The following CDS2 variants were observed in gnomAD, a reference collection of about 807,000 sequenced individuals.
CDS2 encodes phosphatidate cytidylyltransferase 2.
In CDS2, 47 loss-of-function variants were observed where a neutral mutation model predicts 59.0. That is an observed-to-expected ratio of 0.80 (90% CI 0.63 to 1.02). The LOEUF (loss-of-function observed/expected upper bound fraction) is 1.02, where lower values mean the gene tolerates loss of function less well. Among genes scored for constraint, CDS2 ranks in the 50% least tolerant of loss-of-function variants. The probability of loss-of-function intolerance (pLI) is 0.00; values close to 1 mark genes in which losing one functional copy is unlikely to be tolerated. For missense variants in CDS2, 356 were observed against 558.9 expected (o/e 0.64, Z 3.66); for synonymous variants, 207 against 206.4 (o/e 1.00, Z -0.02).
rs1385140931 is a variant in CDS2 at position 5,176,762 on chromosome 20, C to T, written c.389+17C>T. On this transcript the variant is annotated intron_variant, in intron 4 of 12. Coordinates refer to ENST00000460006, the MANE Select transcript of CDS2 (RefSeq NM_003818.4). ...GCTCAGCTGGTAAGCTCTCCGGCCCCACAGAGGCTTTTAGAATTTGGATGA... is the reference window on the plus strand; with the variant it reads ...GCTCAGCTGGTAAGCTCTCCGGCCCTACAGAGGCTTTTAGAATTTGGATGA... 6.3e-7 allele frequency: 1 copy of T among 1,576,876 alleles called. No homozygotes were observed. Among genetic ancestry groups the T allele is most frequent in the Admixed American group, 1.7e-5 (1 of 59,958 alleles).
rs570499603 is a variant in CDS2 at position 5,167,463 on chromosome 20, G to C, written c.58-6060G>C. 5.9e-5 allele frequency among the ~76,000 whole-genome samples: 9 copies of C among 152,178 alleles called. No individual in the cohort carries two copies. The South Asian group carries it at 1.0e-3, about 18-fold the overall frequency. On this transcript the variant is annotated intron_variant, in intron 1 of 12. Transcript: ENST00000460006. ...AACTTGTCAAATGGAGTTAGTATTAGGGCTAAAAGTATTTCTTTGTTATTC... is the reference window on the plus strand; with the variant it reads ...AACTTGTCAAATGGAGTTAGTATTACGGCTAAAAGTATTTCTTTGTTATTC...
chr20:5,171,073 C>A (rs2090952724), intron 1 of CDS2, among the ~76,000 whole-genome samples: 1 of 152,222 alleles, frequency 6.6e-6, no homozygotes, highest in Non-Finnish European at 1.5e-5. Context: ...TCTCTATCTC[C>A]TTTTACTACT....
At chr20:5,187,596 T>G (rs1354762804) in intron 10 of CDS2, 3 of 152,114 alleles carry the variant, frequency 2.0e-5, no homozygotes, top group Non-Finnish European at 2.9e-5. Flanking sequence ...AGAAAACAAC[T>G]GAGGCTAGGC....
chr20:5,184,597 C>A lies in CDS2; in HGVS notation c.672-261C>A, dbSNP rs949462133. ...TCATTGTTTACGTATATTTCTTTAT[C>A]ATGAAAAAAGGACAGATGACCTTTT... is the stretch of plus-strand genomic sequence containing the variant. On this transcript the variant is annotated intron_variant, in intron 7 of 12. Transcript: ENST00000460006. The surrounding 1 kb of genome is among the most constrained non-coding windows in gnomAD (Gnocchi z 4.3). Among the ~76,000 whole-genome samples the A allele has an allele frequency of 6.6e-5, 10 of 152,232 alleles. No individual in the cohort carries two copies. The highest frequency in any genetic ancestry group is 2.4e-4 in the African/African-American group (10 of 41,536).
At chr20:5,134,905 T>G (rs1203995071) in intron 1 of CDS2, among the ~76,000 whole-genome samples, 2 of 152,144 alleles carry the variant, frequency 1.3e-5, no homozygotes, top group South Asian at 2.1e-4. Flanking sequence ...CTTGATAAAA[T>G]CATTCAGAAT....
chr20:5,157,069 T>G (rs1280707506), intron 1 of CDS2, among the ~76,000 whole-genome samples: 1 of 152,002 alleles, frequency 6.6e-6, no homozygotes, highest in Non-Finnish European at 1.5e-5. Context: ...AGCTAGGTAG[T>G]AAGACACTAA....
Position 5,149,631 on chromosome 20 carries a change from G to T in CDS2, c.57+22482G>T, listed in dbSNP as rs551389657. Among the ~76,000 whole-genome samples the T allele has an allele frequency of 3.9e-5, 6 of 152,158 alleles. No homozygotes were observed. The South Asian group carries it at 1.2e-3, about 32-fold the overall frequency. On this transcript the variant is annotated intron_variant, in intron 1 of 12. Coordinates refer to ENST00000460006, the MANE Select transcript of CDS2 (RefSeq NM_003818.4). The stretch of plus-strand genomic sequence containing the variant: ...TGCTCAGGCTGGTCTGAAACTCCTG[G>T]GTTCAAGTGATCCTCCTACCTCGAC...
In CDS2 at chr20:5,197,458, C is replaced by G. The variant is rs2091167042; in HGVS notation, c.*7224C>G. The G allele has an allele frequency of 6.6e-6, 1 of 152,140 alleles. No individual in the cohort carries two copies. Among genetic ancestry groups the G allele is most frequent in the East Asian group, 1.9e-4 (1 of 5,198 alleles). The allele number at this position is 152,140 out of a possible 1,614,324, so 9.4% of individuals were successfully genotyped here. On this transcript the variant is annotated 3_prime_UTR_variant, in exon 13 of 13. Transcript: ENST00000460006. ...GCCGTGTCTGCCCTGGCTCTGTCTC[C>G]TCTGTGACAGGGCAGAGCATTTCTG...
chr20:5,144,762 GTGTAT>G (rs1391553084), intron 1 of CDS2, among the ~76,000 whole-genome samples: 1 of 152,142 alleles, frequency 6.6e-6, no homozygotes. Flanking sequence ...TGTGAAGTTT[GTGTAT>G]TAACAATCCG....
intron 4 of CDS2, 119 bp from the exon 5 acceptor site, chr20:5,178,698 C>T (rs2295508): frequency 0.46 from 438,467 of 959,306 alleles, 102,473 homozygotes; most frequent in South Asian, 0.6. Context: ...TGAGCTGTCC[C>T]GGGGGACTCA....
chr20:5,185,766 G>A lies in CDS2; in HGVS notation c.768G>A (p.Pro256=), dbSNP rs759387247. 6 of 1,614,046 alleles carry A rather than the reference G, an allele frequency of 3.7e-6. No individual in the cohort carries two copies. Among genetic ancestry groups the A allele is most frequent in the Middle Eastern group, 1.6e-4 (1 of 6,082 alleles). The part of the protein sequence containing the change: ...FGRTPLIKLS[P]KKTWEGFIGG... ...TTGCTCTCTGTCCACAGCTGTCCCC[G>A]AAGAAGACCTGGGAAGGCTTCATTG... is the stretch of plus-strand genomic sequence containing the variant. The change falls in exon 9 of 13, where the codon CCG becomes CCA. Residue 256 remains proline, a synonymous_variant. Transcript: ENST00000460006.
At position 5,190,201 on chromosome 20, in the gene CDS2, A is replaced by C. The variant is rs1568546111; in HGVS notation, c.1305A>C (p.Lys435Asn). 1 of 1,614,116 alleles carries C rather than the reference A, an allele frequency of 6.2e-7. No individual in the cohort carries two copies. The change falls in exon 13 of 13, where the codon AAA becomes AAC. Residue 435 changes from lysine (K) to asparagine (N), a missense_variant. This residue lies in a region of CDS2 where 33 missense variants were observed against 27.9 expected (regional missense o/e 1.18). Transcript: ENST00000460006. ...CGCTGCGGTCTCATCTGATCGACAA[A>C]GGGATGCTGACATCCACCACAGAGG... The part of the protein sequence containing the change: ...FNTLRSHLID[K>N]GMLTSTTEDE
rs1158575640 is a variant in CDS2, at chr20:5,184,161, C to T, written c.672-697C>T. Among the ~76,000 whole-genome samples, 3 of 151,688 alleles carry T rather than the reference C, an allele frequency of 2.0e-5. No individual in the cohort carries two copies. The highest frequency in any genetic ancestry group is 2.9e-5 in the Non-Finnish European group (2 of 67,974). On this transcript the variant is annotated intron_variant, in intron 7 of 12. Transcript: ENST00000460006. This position sits in a 1 kb window ranked among gnomAD's most constrained non-coding sequence, Gnocchi z 4.3. ...GGCAACAGAGACTCTGTCTCAAAAA[C>T]AAAAACAGAAACAAACAAACAAACC...
intron 6 of CDS2, 54 bp downstream of exon 6, chr20:5,182,499 C>T: frequency 6.6e-7 from 1 of 1,507,920 alleles, no homozygotes; most frequent in Non-Finnish European, 9.1e-7. Flanking sequence ...TGAAGTTTTT[C>T]AGGAACTCAA....
chr20:5,168,338 C>T (rs2090927936), intron 1 of CDS2, among the ~76,000 whole-genome samples: 1 of 150,916 alleles, frequency 6.6e-6, no homozygotes, highest in South Asian at 2.1e-4. Context: ...TCGCTTGAAC[C>T]CGGGAGGTGG....
intron 1 of CDS2, among the ~76,000 whole-genome samples, chr20:5,129,416 A>G (rs970987594): frequency 6.7e-4 from 98 of 146,392 alleles, no homozygotes; most frequent in African/African-American, 2.5e-3. Flanking sequence ...AGCTGGGACT[A>G]TAGGCATCCG....
At chr20:5,147,827 CACCA>C (rs1430417816) in intron 1 of CDS2, among the ~76,000 whole-genome samples, 1 of 152,100 alleles carries the variant, frequency 6.6e-6, no homozygotes, top group East Asian at 1.9e-4. Context: ...TATAGTGGCA[CACCA>C]TTGCACCCGG....
At chr20:5,144,609 C>T (rs898797598) in intron 1 of CDS2, among the ~76,000 whole-genome samples, 9 of 152,162 alleles carry the variant, frequency 5.9e-5, no homozygotes, top group African/African-American at 1.7e-4. Context: ...ATGATTCTGA[C>T]GTTCTTCCAG....
At chr20:5,175,359 GTTGGT>G in intron 3 of CDS2, 80 bp downstream of exon 3, 1 of 1,139,572 alleles carries the variant, frequency 8.8e-7, no homozygotes, top group Non-Finnish European at 1.3e-6. Context: ...GAGGTGTTGG[GTTGGT>G]TGTGGGAATT....
Sources: gnomAD v4.1 joint callset for allele counts (sites outside exome capture counted in the v4.1 genomes callset) on GRCh38, gnomAD v4.1.1 for gene constraint, gnomAD v4.1.1 regional missense constraint, Gnocchi (gnomAD v3.1) non-coding constraint, MANE v1.5 for transcripts, NCBI Gene and HGNC (gene_info 2026-07-23, HGNC 2026-07-21) for gene names.